GRIP1: variants seen among roughly 807,000 people sequenced by gnomAD.
GRIP1 encodes glutamate receptor-interacting protein 1.
A neutral mutation model predicts 129.9 loss-of-function variants in GRIP1; 45 were observed. That is an observed-to-expected ratio of 0.35 (90% CI 0.27 to 0.44). The LOEUF (loss-of-function observed/expected upper bound fraction) is 0.44, where lower values mean the gene tolerates loss of function less well. GRIP1 is among the 20% of genes least tolerant of loss of function. The pLI is 1.00. For missense variants in GRIP1, 1,196 were observed against 1,396.8 expected (o/e 0.86, Z 2.29); for synonymous variants, 530 against 520.8 (o/e 1.02, Z -0.24).
intron 1 of GRIP1, among the ~76,000 whole-genome samples, chr12:66,950,521 A>T (rs906579647): frequency 2.0e-5 from 3 of 152,172 alleles, no homozygotes; most frequent in African/African-American, 7.2e-5. Context: ...AATTTTTCAC[A>T]GCTGTGAAAT....
intron 7 of GRIP1, among the ~76,000 whole-genome samples, chr12:66,499,830 C>T (rs1261050639): frequency 2.6e-5 from 4 of 151,860 alleles, no homozygotes; most frequent in Non-Finnish European, 5.9e-5. Flanking sequence ...ACAGGGAGAC[C>T]CTGTCTCTAC....
intron 1 of GRIP1, among the ~76,000 whole-genome samples, chr12:66,710,478 T>A (rs2035678112): frequency 6.6e-6 from 1 of 151,990 alleles, no homozygotes; most frequent in African/African-American, 2.4e-5. Flanking sequence ...AAGTTAATAT[T>A]TATTTGCTAA....
chr12:66,771,265 G>T (rs963224602), intron 1 of GRIP1, among the ~76,000 whole-genome samples: 36 of 152,112 alleles, frequency 2.4e-4, no homozygotes, highest in African/African-American at 8.7e-4. Context: ...CGTTTTTAAT[G>T]ATGATACTCT....
chr12:66,459,492 T>C lies in GRIP1; in HGVS notation c.1043-3150A>G, dbSNP rs530319144. The stretch of plus-strand genomic sequence containing the variant: ...ACCCACCTTTTGACCCGCTTCTTCA[T>C]TGAGAGCTTTGAAAATTACTGGGCA... On this transcript the variant is annotated intron_variant, in intron 9 of 24. Coordinates refer to ENST00000359742, the MANE Select transcript of GRIP1 (RefSeq NM_001366722.1). 8.5e-4 allele frequency among the ~76,000 whole-genome samples: 130 copies of C among 152,282 alleles called. 1 individual carries two copies. In the South Asian group the frequency reaches 0.022, roughly 26 times the overall value.
At chr12:66,426,147 T>TGG (rs1402806333) in intron 14 of GRIP1, among the ~76,000 whole-genome samples, 1 of 152,180 alleles carries the variant, frequency 6.6e-6, no homozygotes, top group East Asian at 1.9e-4. Context: ...AGCTTTTCTG[T>TGG]GGGTATTTCC....
At chr12:66,903,894 G>GA (rs1464688838) in intron 1 of GRIP1, among the ~76,000 whole-genome samples, 1 of 152,136 alleles carries the variant, frequency 6.6e-6, no homozygotes, top group Non-Finnish European at 1.5e-5. Flanking sequence ...AAGAGAGATG[G>GA]AAGTTAAACT....
chr12:66,618,189 A>G (rs2065123948), intron 1 of GRIP1, among the ~76,000 whole-genome samples: 2 of 152,202 alleles, frequency 1.3e-5, no homozygotes, highest in Non-Finnish European at 1.5e-5. Context: ...AGAAATCAGT[A>G]GGTGTAGTGA....
intron 1 of GRIP1, among the ~76,000 whole-genome samples, chr12:66,613,008 T>C (rs1245143841): frequency 6.6e-6 from 1 of 152,178 alleles, no homozygotes; most frequent in Non-Finnish European, 1.5e-5. Context: ...TTGAATTAAT[T>C]AGAGCTGAGT....
chr12:66,978,068 C>T (rs1341882706), intron 1 of GRIP1, among the ~76,000 whole-genome samples: 3 of 151,806 alleles, frequency 2.0e-5, no homozygotes, highest in Non-Finnish European at 1.5e-5. Flanking sequence ...GCAAAGCTCC[C>T]ACCTTGGCCT....
At chr12:66,582,054 A>G (rs2139622222) in intron 2 of GRIP1, among the ~76,000 whole-genome samples, 1 of 152,328 alleles carries the variant, frequency 6.6e-6, no homozygotes, top group African/African-American at 2.4e-5. Context: ...AAGCTTATCC[A>G]CCATGATCAA....
At chr12:67,015,879 G>A (rs1432435963) in intron 1 of GRIP1, among the ~76,000 whole-genome samples, 1 of 152,172 alleles carries the variant, frequency 6.6e-6, no homozygotes, top group Non-Finnish European at 1.5e-5. Flanking sequence ...AGTAGCATTA[G>A]AATAGAGTGT....
chr12:66,635,634 C>T (rs1222030740), intron 1 of GRIP1, among the ~76,000 whole-genome samples: 1 of 151,712 alleles, frequency 6.6e-6, no homozygotes, highest in African/African-American at 2.4e-5. Context: ...AAAAAGCCAC[C>T]ATAAAGAGAT....
chr12:66,825,305 G>A (rs530360574), intron 1 of GRIP1, among the ~76,000 whole-genome samples: 9 of 152,106 alleles, frequency 5.9e-5, no homozygotes, highest in South Asian at 4.2e-4. Flanking sequence ...TTTCCACATC[G>A]TCATTATTAC....
At chr12:67,054,524 G>A (rs2043401140) in intron 1 of GRIP1, among the ~76,000 whole-genome samples, 1 of 152,150 alleles carries the variant, frequency 6.6e-6, no homozygotes, top group South Asian at 2.1e-4. Context: ...AGCATTTTGG[G>A]AGGCCGAAGT....
chr12:66,777,000 T>C (rs1191892656), intron 1 of GRIP1, among the ~76,000 whole-genome samples: 1 of 152,216 alleles, frequency 6.6e-6, no homozygotes, highest in East Asian at 1.9e-4. Flanking sequence ...TACACGGTCT[T>C]GTAGTTCTGA....
At chr12:66,467,314 C>G (rs933085128) in intron 7 of GRIP1, among the ~76,000 whole-genome samples, 1 of 152,196 alleles carries the variant, frequency 6.6e-6, no homozygotes, top group African/African-American at 2.4e-5. Context: ...TCTGCTCTCG[C>G]TCACCTTGAT....
intron 11 of GRIP1, among the ~76,000 whole-genome samples, chr12:66,453,936 T>TA (rs2138214823): frequency 6.6e-6 from 1 of 152,300 alleles, no homozygotes; most frequent in African/African-American, 2.4e-5. Flanking sequence ...TAGTGTCAGC[T>TA]AAAAAACACA....
At chr12:66,425,476 T>C (rs1366590284) in intron 14 of GRIP1, among the ~76,000 whole-genome samples, 3 of 152,140 alleles carry the variant, frequency 2.0e-5, no homozygotes, top group Admixed American at 2.0e-4. Flanking sequence ...TTACTGGGTA[T>C]ATACCCAAAG....
intron 1 of GRIP1, among the ~76,000 whole-genome samples, chr12:66,615,287 C>T (rs757399765): frequency 1.4e-4 from 21 of 152,052 alleles, no homozygotes; most frequent in Non-Finnish European, 2.6e-4. Context: ...TGTTTTTTGT[C>T]ATAGAGTTCA....
Sources: gnomAD v4.1 joint callset for allele counts (sites outside exome capture counted in the v4.1 genomes callset) on GRCh38, gnomAD v4.1.1 for gene constraint, MANE v1.5 for transcripts, NCBI Gene and HGNC (gene_info 2026-07-23, HGNC 2026-07-21) for gene names.